The following UGT1A9 variants were observed in gnomAD, a reference collection of about 807,000 sequenced individuals.
UGT1A9 encodes the protein UDP glucuronosyltransferase family 1 member A9.
In UGT1A9, 35 loss-of-function variants were observed where a neutral mutation model predicts 45.0. That is an observed-to-expected ratio of 0.78 (90% confidence interval 0.59 to 1.03). The LOEUF (loss-of-function observed/expected upper bound fraction) is 1.03, where lower values mean the gene tolerates loss of function less well. Among genes scored for constraint, UGT1A9 ranks in the 50% least tolerant of loss-of-function variants. The pLI, the probability that UGT1A9 is intolerant of heterozygous loss-of-function variation, is 0.00. For synonymous variants in UGT1A9, 278 were observed against 250.6 expected (o/e 1.11, Z -1.03); for missense variants, 687 against 666.6 (o/e 1.03, Z -0.34).
intron 1 of UGT1A9, among the ~76,000 whole-genome samples, chr2:233,725,264 G>GGAGGCA (rs551912265): frequency 0.04 from 2,355 of 58,498 alleles, 627 homozygotes; most frequent in African/African-American, 0.084. Flanking sequence ...CAGAGGCAGA[G>GGAGGCA]GAGGCAGAGG....
At position 233,743,506 on chromosome 2, in the gene UGT1A9, G is replaced by A. The variant is rs185061073; in HGVS notation, c.856-23528G>A. ...ACTGAAGGCAGAGAAAAGGGGTGCA[G>A]ACGCTCTGCTTCTGCTTCCCCAGCA... On this transcript the variant is annotated intron_variant, in intron 1 of 4. Transcript: ENST00000354728. 5.9e-6 allele frequency: 8 copies of A among 1,367,240 alleles called. No individual in the cohort carries two copies. The Admixed American group carries it at 1.1e-4, about 20-fold the overall frequency. The allele number at this position is 1,367,240 out of a possible 1,614,324, so 84.7% of individuals were successfully genotyped here. A position where few individuals can be genotyped will look rare whatever the true frequency, so the allele number is the denominator to read the frequency against.
intron 1 of UGT1A9, among the ~76,000 whole-genome samples, chr2:233,737,582 C>T (rs532884650): frequency 6.6e-6 from 1 of 152,312 alleles, no homozygotes; most frequent in Non-Finnish European, 1.5e-5. Context: ...CAACCAGTCC[C>T]AATGAGATGA....
chr2:233,745,781 C>A (rs1693207389), intron 1 of UGT1A9, among the ~76,000 whole-genome samples: 1 of 150,162 alleles, frequency 6.7e-6, no homozygotes, highest in Non-Finnish European at 1.5e-5. Flanking sequence ...TGAGCTTAGA[C>A]AGGGGGGCTG....
intron 1 of UGT1A9, among the ~76,000 whole-genome samples, chr2:233,739,279 C>G (rs11691824): frequency 0.034 from 5,129 of 152,284 alleles, 99 homozygotes; most frequent in African/African-American, 0.051. Flanking sequence ...AGCCCCCACA[C>G]AGAGTCTCCA....
chr2:233,708,213 A>G (rs1473084405), intron 1 of UGT1A9, among the ~76,000 whole-genome samples: 1 of 152,212 alleles, frequency 6.6e-6, no homozygotes, highest in Non-Finnish European at 1.5e-5. Context: ...AGGCATTAAC[A>G]ATTTATTCTT....
intron 1 of UGT1A9, 63 bp downstream of exon 1, chr2:233,672,852 T>C (rs918620346): frequency 2.1e-5 from 33 of 1,538,884 alleles, no homozygotes; most frequent in Non-Finnish European, 2.9e-5. Context: ...AAAAGGATTC[T>C]TTACTGAACT....
chr2:233,725,246 AGAG>A (rs1452958185), intron 1 of UGT1A9, among the ~76,000 whole-genome samples: 3 of 47,660 alleles, frequency 6.3e-5, no homozygotes, highest in African/African-American at 3.5e-4. Flanking sequence ...AGGCAGAGGC[AGAG>A]GAGGCAGAGG....
intron 1 of UGT1A9, chr2:233,729,501 T>C (rs142329877): frequency 1.3e-5 from 21 of 1,614,102 alleles, no homozygotes; most frequent in Non-Finnish European, 1.7e-5. Flanking sequence ...TGGTCTATCA[T>C]AGGTCTTGTG....
chr2:233,730,105 C>G, intron 1 of UGT1A9: 1 of 1,574,650 alleles, frequency 6.4e-7, no homozygotes, highest in Non-Finnish European at 8.6e-7. Context: ...TATTTCATTT[C>G]TGCTTCTCCT....
rs182305779 is a variant in UGT1A9, at chr2:233,734,566, T to G, written c.856-32468T>G. ...CTTCCCTTCTGCTAGCTTTTGAATT[T>G]GTTTGCTCTTGCTTATCTAGTTCTT... is the stretch of plus-strand genomic sequence containing the variant. On this transcript the variant is annotated intron_variant, in intron 1 of 4. Transcript: ENST00000354728. Among the ~76,000 whole-genome samples, 19 of 152,196 alleles carry G rather than the reference T, an allele frequency of 1.2e-4. 1 individual carries two copies. Among genetic ancestry groups the G allele is most frequent in the Admixed American group, 1.2e-3 (19 of 15,288 alleles).
rs1375578843 is a variant in UGT1A9, at chr2:233,769,338, C to A, written c.1295+899C>A. Among the ~76,000 whole-genome samples the A allele has an allele frequency of 6.6e-6, 1 of 152,184 alleles. No individual in the cohort carries two copies. Among genetic ancestry groups the A allele is most frequent in the East Asian group, 1.9e-4 (1 of 5,204 alleles). On this transcript the variant is annotated intron_variant, in intron 4 of 4. Transcript: ENST00000354728. The surrounding 1 kb of genome is among the most constrained non-coding windows in gnomAD (Gnocchi z 4.4). ...CTCACTGGTAATAGGCTTATTAGAA[C>A]CTTATGGGAAGAAGTGGTGGCCAGT...
chr2:233,769,857 C>CAAAA lies in UGT1A9; in HGVS notation c.1295+1432_1295+1435dup. The CAAAA allele has an allele frequency of 4.0e-5, 9 of 223,646 alleles. No individual in the cohort carries two copies. The highest frequency in any genetic ancestry group is 1.1e-4 in the South Asian group (1 of 9,102). The allele number at this position is 223,646 out of a possible 1,614,324, so 13.9% of individuals were successfully genotyped here. On this transcript the variant is annotated intron_variant, in intron 4 of 4. Coordinates refer to ENST00000354728, the MANE Select transcript of UGT1A9 (RefSeq NM_021027.3). The surrounding 1 kb of genome is among the most constrained non-coding windows in gnomAD (Gnocchi z 4.4). ...TGGGCAACAGAGTGAGACCCTGTCTCAAAAAAAAAAAAAAAAATGAAAAGT... is the reference window on the plus strand; with the variant it reads ...TGGGCAACAGAGTGAGACCCTGTCTCAAAAAAAAAAAAAAAAAAAAATGAAAAGT...
chr2:233,728,353 G>C (rs563939650), intron 1 of UGT1A9, among the ~76,000 whole-genome samples: 3 of 152,192 alleles, frequency 2.0e-5, no homozygotes, highest in African/African-American at 7.2e-5. Context: ...GTGAGCAGGA[G>C]CTCCCTGAAC....
chr2:233,763,335 T>C (rs1344403817), intron 1 of UGT1A9, among the ~76,000 whole-genome samples: 2 of 152,244 alleles, frequency 1.3e-5, no homozygotes, highest in Non-Finnish European at 2.9e-5. Context: ...TTTGTTTACA[T>C]TTCCCTAGCA....
chr2:233,733,810 C>G (rs1191678424), intron 1 of UGT1A9, among the ~76,000 whole-genome samples: 1 of 152,078 alleles, frequency 6.6e-6, no homozygotes, highest in Non-Finnish European at 1.5e-5. Flanking sequence ...CAGGATGATG[C>G]TGGCCTCATA....
In UGT1A9 at chr2:233,693,777, A is replaced by T. The variant is rs112793692; in HGVS notation, c.855+20988A>T. The T allele has an allele frequency of 2.0e-5, 32 of 1,614,100 alleles. No individual in the cohort carries two copies. The East Asian group carries it at 5.3e-4, about 27-fold the overall frequency. ...GTCTCTGTTTGGCTGTTAAGATATGACTTTGTGCTTGAATATCCTAGGCCG... is the reference window on the plus strand; with the variant it reads ...GTCTCTGTTTGGCTGTTAAGATATGTCTTTGTGCTTGAATATCCTAGGCCG... On this transcript the variant is annotated intron_variant, in intron 1 of 4. Coordinates refer to ENST00000354728, the MANE Select transcript of UGT1A9 (RefSeq NM_021027.3).
intron 1 of UGT1A9, chr2:233,689,774 C>A: frequency 3.0e-6 from 1 of 331,564 alleles, no homozygotes; most frequent in African/African-American, 2.2e-5. Flanking sequence ...AACTCGGGGA[C>A]ATATGTTATG....
intron 1 of UGT1A9, among the ~76,000 whole-genome samples, chr2:233,704,963 C>T (rs2075815360): frequency 6.6e-6 from 1 of 152,064 alleles, no homozygotes; most frequent in South Asian, 2.1e-4. Flanking sequence ...TGGTGAAACC[C>T]CATCTCTACT....
At chr2:233,746,478 T>C (rs1007346584) in intron 1 of UGT1A9, among the ~76,000 whole-genome samples, 1 of 151,746 alleles carries the variant, frequency 6.6e-6, no homozygotes, top group Non-Finnish European at 1.5e-5. Flanking sequence ...AGAAACACTT[T>C]CCATGGACAT....
Sources: allele counts gnomAD v4.1 joint callset (sites outside exome capture counted in the v4.1 genomes callset), GRCh38; gene constraint gnomAD v4.1.1; non-coding constraint Gnocchi (gnomAD v3.1); transcripts MANE v1.5; gene names NCBI Gene and HGNC (gene_info 2026-07-23, HGNC 2026-07-21).